Variants in ACTN2 observed in about 807,000 individuals in gnomAD.
ACTN2 encodes the protein actinin alpha 2, also known as alpha-actinin-2.
A neutral mutation model predicts 113.8 loss-of-function variants in ACTN2; 39 were observed. The observed-to-expected ratio is 0.34, with a 90% confidence interval of 0.27 to 0.45. ACTN2 has a LOEUF of 0.45. Ranked by LOEUF, ACTN2 falls within the 20% of genes least tolerant of loss-of-function variation. The pLI is 1.00. For missense variants in ACTN2, 992 were observed against 1,177.9 expected (o/e 0.84, Z 2.31); for synonymous variants, 429 against 444.1 (o/e 0.97, Z 0.43).
intron 1 of ACTN2, among the ~76,000 whole-genome samples, chr1:236,716,785 C>G (rs2102891630): frequency 1.3e-5 from 2 of 150,826 alleles, no homozygotes; most frequent in Middle Eastern, 7.1e-3. Context: ...TCTCTTCTTT[C>G]TGCTACACAA....
chr1:236,762,729 G>T lies in ACTN2; in HGVS notation c.*110G>T. On this transcript the variant is annotated 3_prime_UTR_variant, in exon 21 of 21. Transcript: ENST00000366578. Reference sequence around the variant, plus strand: ...TTATTAAGTTGAGAGAGAGAGAGGGGAAAAAAAAAAGCCTTTCGTAGTTCA... The same window carrying T: ...TTATTAAGTTGAGAGAGAGAGAGGGTAAAAAAAAAAGCCTTTCGTAGTTCA... 2 of 1,264,890 alleles carry T rather than the reference G, an allele frequency of 1.6e-6. No individual in the cohort carries two copies. Among genetic ancestry groups the T allele is most frequent in the Non-Finnish European group, 2.2e-6 (2 of 930,200 alleles). The allele number at this position is 1,264,890 out of a possible 1,614,324, so 78.4% of individuals were successfully genotyped here. A position where few individuals can be genotyped will look rare whatever the true frequency, so the allele number is the denominator to read the frequency against.
At chr1:236,730,631 A>G (rs1457066192) in intron 6 of ACTN2, among the ~76,000 whole-genome samples, 2 of 152,104 alleles carry the variant, frequency 1.3e-5, no homozygotes, top group African/African-American at 4.8e-5. Context: ...TATGTTATGT[A>G]TATTTAACTA....
In ACTN2 at chr1:236,762,747, G is replaced by C; in HGVS notation, c.*128G>C. The C allele has an allele frequency of 8.3e-7, 1 of 1,209,224 alleles. No individual in the cohort carries two copies. The highest frequency in any genetic ancestry group is 2.0e-5 in the Admixed American group (1 of 50,370). 74.9% of individuals were successfully genotyped at this position (1,209,224 alleles called of 1,614,324 possible). ...GAGAGGGGAAAAAAAAAAGCCTTTC[G>C]TAGTTCAGTAATTGCCAGCAATATA... On this transcript the variant is annotated 3_prime_UTR_variant, in exon 21 of 21. Coordinates refer to ENST00000366578, the MANE Select transcript of ACTN2 (RefSeq NM_001103.4).
At chr1:236,746,165 C>CAAAA (rs55953102) in intron 12 of ACTN2, among the ~76,000 whole-genome samples, 9 of 80,386 alleles carry the variant, frequency 1.1e-4, no homozygotes, top group Non-Finnish European at 1.7e-4. Flanking sequence ...GACTCCATCT[C>CAAAA]AAAAAAAAAA....
chr1:236,761,058 A>G lies in ACTN2; in HGVS notation c.2411A>G (p.Asn804Ser), dbSNP rs776329264. 8.1e-6 allele frequency: 13 copies of G among 1,614,104 alleles called. No individual in the cohort carries two copies. The highest frequency in any genetic ancestry group is 4.4e-5 in the South Asian group (4 of 91,080). Residue 804 changes from asparagine (N) to serine (S), a missense_variant, in exon 20 of 21, where the codon AAC (asparagine) becomes AGC (serine). Physicochemically the swap from Asn to Ser is conservative, Grantham distance 46 (BLOSUM62 1). Around this residue, in one of 3 missense-constraint regions of ACTN2, gnomAD observed 736 missense variants for 815.4 expected, o/e 0.90. Coordinates refer to ENST00000366578, the MANE Select transcript of ACTN2 (RefSeq NM_001103.4). ...CGCATTATGACCCTGGTAGATCCCA[A>G]CGGGCAAGGCACCGTCACCTTCCAA... The part of the protein sequence containing the change: ...FARIMTLVDP[N>S]GQGTVTFQSF...
At chr1:236,751,955 A>G (rs900091861) in intron 15 of ACTN2, among the ~76,000 whole-genome samples, 9 of 152,238 alleles carry the variant, frequency 5.9e-5, no homozygotes, top group African/African-American at 1.7e-4. Flanking sequence ...TAAAGCCCCA[A>G]CTGGAAATTT....
At chr1:236,733,959 A>AAATTGTTTCTCT (rs1176938718) in intron 7 of ACTN2, among the ~76,000 whole-genome samples, 1 of 152,180 alleles carries the variant, frequency 6.6e-6, no homozygotes, top group East Asian at 1.9e-4. Context: ...AAGGTTGTAA[A>AAATTGTTTCTCT]AATTGTTTCT....
chr1:236,689,051 C>T (rs1462594986), intron 1 of ACTN2, among the ~76,000 whole-genome samples: 1 of 151,924 alleles, frequency 6.6e-6, no homozygotes, highest in African/African-American at 2.4e-5. Context: ...GAAAGCCTTG[C>T]TGTAGAAGGA....
intron 18 of ACTN2, among the ~76,000 whole-genome samples, chr1:236,758,845 T>A (rs1166180421): frequency 1.3e-5 from 2 of 152,178 alleles, no homozygotes; most frequent in Non-Finnish European, 2.9e-5. Context: ...GGTCTTGAAC[T>A]CCTGACCTCA....
chr1:236,752,815 A>T (rs1181493423), intron 15 of ACTN2, among the ~76,000 whole-genome samples: 1 of 152,190 alleles, frequency 6.6e-6, no homozygotes, highest in Admixed American at 6.5e-5. Flanking sequence ...AGCCTCCCAA[A>T]GTGCTGGGAT....
chr1:236,759,953 T>C (rs1269749934), intron 19 of ACTN2, among the ~76,000 whole-genome samples, 164 bp downstream of exon 19: 3 of 152,146 alleles, frequency 2.0e-5, no homozygotes, highest in African/African-American at 4.8e-5. Context: ...TATATAAAAA[T>C]AAAGTCACGA....
Position 236,741,549 on chromosome 1 carries a change from G to T in ACTN2, c.1108-1347G>T, listed in dbSNP as rs202121478. ...CTAAGTTGCCAACCCCCAAACCCAG[G>T]TTTCATCCTTGATTCTTCCCTTTCT... On this transcript the variant is annotated intron_variant, in intron 10 of 20. Coordinates refer to ENST00000366578, the MANE Select transcript of ACTN2 (RefSeq NM_001103.4). 3.3e-5 allele frequency among the ~76,000 whole-genome samples: 5 copies of T among 152,218 alleles called. No individual in the cohort carries two copies. The East Asian group carries it at 9.7e-4, about 29-fold the overall frequency.
chr1:236,757,732 C>A, intron 18 of ACTN2, 100 bp downstream of exon 18: 2 of 1,472,202 alleles, frequency 1.4e-6, no homozygotes, highest in Non-Finnish European at 1.9e-6. Context: ...GGCTCCACAA[C>A]ATTTACAGGG....
At chr1:236,707,526 G>A (rs1225545358) in intron 1 of ACTN2, among the ~76,000 whole-genome samples, 1 of 151,888 alleles carries the variant, frequency 6.6e-6, no homozygotes, top group East Asian at 1.9e-4. Context: ...CAACCCCACG[G>A]CACCACTCAA....
At chr1:236,726,914 T>A (rs1469970099) in intron 5 of ACTN2, among the ~76,000 whole-genome samples, 2 of 152,328 alleles carry the variant, frequency 1.3e-5, no homozygotes, top group African/African-American at 4.8e-5. Context: ...CTCATCTTGC[T>A]TTTCTTTTTC....
At position 236,693,214 on chromosome 1, in the gene ACTN2, C is replaced by G. The variant is rs1657341611; in HGVS notation, c.126+6415C>G. 2.9e-5 allele frequency among the ~76,000 whole-genome samples: 4 copies of G among 138,612 alleles called. No homozygotes were observed. In the South Asian group the frequency reaches 9.3e-4, roughly 32 times the overall value. The allele number at this position is 138,612 out of a possible 152,430, so 90.9% of individuals were successfully genotyped here. On this transcript the variant is annotated intron_variant, in intron 1 of 20. Coordinates refer to ENST00000366578, the MANE Select transcript of ACTN2 (RefSeq NM_001103.4). ...ACACACACACACACACACACACACA[C>G]AGAGTTTTCTAGATTGGAAACTACA...
In ACTN2 at chr1:236,714,969, G is replaced by C. The variant is rs1293930031; in HGVS notation, c.127-2889G>C. 3.2e-5 allele frequency among the ~76,000 whole-genome samples: 3 copies of C among 93,748 alleles called. No individual in the cohort carries two copies. The South Asian group carries it at 1.5e-3, about 48-fold the overall frequency. The allele number at this position is 93,748 out of a possible 152,430, so 61.5% of individuals were successfully genotyped here. A position where few individuals can be genotyped will look rare whatever the true frequency, so the allele number is the denominator to read the frequency against. ...ATGTATACACAGATACCACTGAAGG[G>C]ATATGCAAGAGACTGATAGCTTCAT... On this transcript the variant is annotated intron_variant, in intron 1 of 20. Coordinates refer to ENST00000366578, the MANE Select transcript of ACTN2 (RefSeq NM_001103.4).
chr1:236,752,176 T>A (rs775072586), intron 15 of ACTN2, among the ~76,000 whole-genome samples: 6 of 152,206 alleles, frequency 3.9e-5, no homozygotes, highest in Admixed American at 2.0e-4. Context: ...ATGGGATAAT[T>A]TGAGCCCTTT....
At chr1:236,751,427 A>G in intron 14 of ACTN2, 43 bp from the exon 15 acceptor site, 4 of 1,610,194 alleles carry the variant, frequency 2.5e-6, no homozygotes, top group Non-Finnish European at 3.4e-6. Flanking sequence ...TGAAATTAAC[A>G]CTCAAGCCAC....
Sources: allele counts gnomAD v4.1 joint callset (sites outside exome capture counted in the v4.1 genomes callset), GRCh38; gene constraint gnomAD v4.1.1; regional missense constraint gnomAD v4.1.1; transcripts MANE v1.5; gene names NCBI Gene and HGNC (gene_info 2026-07-23, HGNC 2026-07-21).